RANBP17: variants seen among roughly 807,000 people sequenced by gnomAD.
The protein encoded by RANBP17 is RAN binding protein 17, also known as ran-binding protein 17.
In RANBP17, 158 loss-of-function variants were observed where a neutral mutation model predicts 141.2. That is an observed-to-expected ratio of 1.12 (90% CI 0.98 to 1.28). RANBP17 has a LOEUF of 1.28. RANBP17 is among the 50% of genes most tolerant of loss of function. The probability of loss-of-function intolerance (pLI) is 0.00; values close to 1 mark genes in which losing one functional copy is unlikely to be tolerated. For missense variants in RANBP17, 1,438 were observed against 1,290.7 expected, an observed-to-expected ratio of 1.11 and a Z score of -1.75; for synonymous variants, 430 against 450.0, an observed-to-expected ratio of 0.96 and a Z score of 0.56.
chr5:171,132,463 A>G (rs1320882618), intron 14 of RANBP17, among the ~76,000 whole-genome samples: 2 of 151,820 alleles, frequency 1.3e-5, no homozygotes, highest in Non-Finnish European at 2.9e-5. Context: ...TAGCTCATGC[A>G]TGTAATCCAA....
chr5:170,911,449 G>A (rs1321007581), intron 7 of RANBP17: 2 of 645,224 alleles, frequency 3.1e-6, no homozygotes, highest in Non-Finnish European at 5.8e-6. Flanking sequence ...AGTGGGACAG[G>A]ATCCCACTCT....
intron 14 of RANBP17, among the ~76,000 whole-genome samples, chr5:171,066,528 C>G (rs1004634829): frequency 1.3e-5 from 2 of 152,182 alleles, no homozygotes; most frequent in Non-Finnish European, 2.9e-5. Context: ...GAATAGCATT[C>G]CACTGTATGT....
intron 12 of RANBP17, among the ~76,000 whole-genome samples, chr5:170,950,173 T>C (rs78782214): frequency 0.029 from 4,400 of 152,136 alleles, 213 homozygotes; most frequent in African/African-American, 0.098. Flanking sequence ...AGGACATTAA[T>C]CTATGCAAAT....
chr5:170,984,858 A>T (rs1163842981), intron 14 of RANBP17, among the ~76,000 whole-genome samples: 1 of 152,110 alleles, frequency 6.6e-6, no homozygotes, highest in Non-Finnish European at 1.5e-5. Flanking sequence ...TTTAAGTATT[A>T]TTTTTTATAT....
At chr5:171,097,934 G>A (rs1786822408) in intron 14 of RANBP17, among the ~76,000 whole-genome samples, 1 of 151,942 alleles carries the variant, frequency 6.6e-6, no homozygotes, top group Non-Finnish European at 1.5e-5. Context: ...ATGGTTTCCA[G>A]CTTCATCCAT....
At chr5:171,227,804 G>A (rs1763967135) in intron 22 of RANBP17, among the ~76,000 whole-genome samples, 1 of 152,080 alleles carries the variant, frequency 6.6e-6, no homozygotes, top group Admixed American at 6.5e-5. Context: ...AAAATCCTAG[G>A]GCCCTTAAGA....
intron 14 of RANBP17, among the ~76,000 whole-genome samples, chr5:171,068,421 A>G (rs544897850): frequency 9.9e-5 from 15 of 151,588 alleles, no homozygotes; most frequent in African/African-American, 3.1e-4. Context: ...GTTTTTGTCA[A>G]TTTTCTTCCT....
chr5:170,982,943 GAGAA>G (rs1349094410), intron 14 of RANBP17: 2 of 321,800 alleles, frequency 6.2e-6, no homozygotes, highest in Admixed American at 4.7e-5. Flanking sequence ...TGCCAATTTT[GAGAA>G]AGAAAATGAA....
In RANBP17 at chr5:171,271,075, C is replaced by CTTTTTTTTTTTTTTTTTTTTTTTTTTTTT. The variant is rs531200106; in HGVS notation, c.2943+5243_2943+5271dup. The CTTTTTTTTTTTTTTTTTTTTTTTTTTTTT allele has an allele frequency of 2.5e-4, 7 of 27,540 alleles. 3 individuals are homozygous for CTTTTTTTTTTTTTTTTTTTTTTTTTTTTT. The highest frequency in any genetic ancestry group is 8.5e-4 in the African/African-American group (5 of 5,912). The allele number at this position is 27,540 out of a possible 1,614,324, so 1.7% of individuals were successfully genotyped here. On this transcript the variant is annotated intron_variant, in intron 25 of 27. Transcript: ENST00000523189. Reference sequence around the variant, plus strand: ...TTTCTCCCTCCTTTTTATGTTATTTCTTTTTTTTTTTTTTTTTTTTTTTTT... The same window carrying CTTTTTTTTTTTTTTTTTTTTTTTTTTTTT: ...TTTCTCCCTCCTTTTTATGTTATTTCTTTTTTTTTTTTTTTTTTTTTTTTTTTTTTTTTTTTTTTTTTTTTTTTTTTTTT...
chr5:170,898,867 C>G (rs1770370721), intron 5 of RANBP17, among the ~76,000 whole-genome samples: 1 of 152,084 alleles, frequency 6.6e-6, no homozygotes, highest in Non-Finnish European at 1.5e-5. Context: ...CTATTCTGTT[C>G]CATTAGTCTA....
intron 12 of RANBP17, among the ~76,000 whole-genome samples, chr5:170,932,793 C>G (rs1446265007): frequency 5.9e-5 from 9 of 152,160 alleles, no homozygotes; most frequent in Admixed American, 1.3e-4. Context: ...TTTTGATGTG[C>G]TGCTGGATTT....
chr5:171,060,518 T>A (rs933103864), intron 14 of RANBP17, among the ~76,000 whole-genome samples: 2 of 148,922 alleles, frequency 1.3e-5, no homozygotes, highest in African/African-American at 4.9e-5. Flanking sequence ...GAAGCCCACT[T>A]GATCATGGTG....
At chr5:170,934,479 G>A (rs746248279) in intron 12 of RANBP17, among the ~76,000 whole-genome samples, 111 of 151,780 alleles carry the variant, frequency 7.3e-4, no homozygotes, top group Admixed American at 1.5e-3. Flanking sequence ...TCCTTTCCAC[G>A]TTTAGTGTAA....
chr5:170,862,733 G>GGGCT lies in RANBP17; in HGVS notation c.18+684_18+687dup, dbSNP rs545831805. Among the ~76,000 whole-genome samples the GGGCT allele has an allele frequency of 2.5e-3, 380 of 152,074 alleles. 4 individuals are homozygous for GGGCT. Among genetic ancestry groups the GGGCT allele is most frequent in the African/African-American group, 7.7e-3 (318 of 41,376 alleles). On this transcript the variant is annotated intron_variant, in intron 1 of 27. Coordinates refer to ENST00000523189, the MANE Select transcript of RANBP17 (RefSeq NM_022897.5). ...ATGGGACGCGTGCTTGTATATCCTC[G>GGGCT]GGCTGCTCTGACATCCCCGTTCAGT...
intron 12 of RANBP17, among the ~76,000 whole-genome samples, chr5:170,950,189 A>G (rs928289685): frequency 1.3e-5 from 2 of 152,146 alleles, no homozygotes; most frequent in Non-Finnish European, 2.9e-5. Context: ...CAAATATTTT[A>G]TGGCTAAGAC....
At chr5:171,183,472 A>G (rs550523647) in intron 18 of RANBP17, 42 bp downstream of exon 18, 13 of 1,323,990 alleles carry the variant, frequency 9.8e-6, no homozygotes, top group Admixed American at 1.7e-5. Flanking sequence ...GGGATCAGCA[A>G]TACACTTGTG....
intron 25 of RANBP17, among the ~76,000 whole-genome samples, chr5:171,293,451 C>G (rs1322270172): frequency 6.6e-6 from 1 of 152,244 alleles, no homozygotes; most frequent in African/African-American, 2.4e-5. Flanking sequence ...TCCCATTCCC[C>G]TCCCTCTCTC....
chr5:171,271,071 A>T (rs1193295195), intron 25 of RANBP17: 41 of 24,110 alleles, frequency 1.7e-3, no homozygotes, highest in Admixed American at 5.8e-3. Context: ...TTTTTATGTT[A>T]TTTCTTTTTT....
intron 12 of RANBP17, among the ~76,000 whole-genome samples, chr5:170,925,185 G>T (rs1267249527): frequency 3.3e-5 from 5 of 152,058 alleles, no homozygotes; most frequent in Admixed American, 3.3e-4. Flanking sequence ...TGTTTATCTT[G>T]TATTGGAAAG....
Sources: gnomAD v4.1 joint callset for allele counts (sites outside exome capture counted in the v4.1 genomes callset) on GRCh38, gnomAD v4.1.1 for gene constraint, MANE v1.5 for transcripts, NCBI Gene and HGNC (gene_info 2026-07-23, HGNC 2026-07-21) for gene names.